UNC5B: variants seen among roughly 807,000 people sequenced by gnomAD.
The protein encoded by UNC5B is unc-5 netrin receptor B, also known as netrin receptor UNC5B.
In UNC5B, 56 loss-of-function variants were observed where a neutral mutation model predicts 103.7. The observed-to-expected ratio is 0.54, with a 90% CI of 0.44 to 0.67. The LOEUF is 0.67. Among genes scored for constraint, UNC5B ranks in the 30% least tolerant of loss-of-function variants. The probability of loss-of-function intolerance (pLI) is 0.00; values close to 1 mark genes in which losing one functional copy is unlikely to be tolerated. For missense variants in UNC5B, 1,194 were observed against 1,284.5 expected, an observed-to-expected ratio of 0.93 and a Z score of 1.08; for synonymous variants, 577 against 542.0, an observed-to-expected ratio of 1.06 and a Z score of -0.90.
chr10:71,214,446 T>G (rs1843293642), intron 1 of UNC5B, among the ~76,000 whole-genome samples: 1 of 151,808 alleles, frequency 6.6e-6, no homozygotes, highest in African/African-American at 2.4e-5. Context: ...TTTAAAGCAG[T>G]GTTTTGAAGT....
intron 1 of UNC5B, among the ~76,000 whole-genome samples, chr10:71,238,821 C>A (rs929204236): frequency 3.3e-5 from 5 of 152,108 alleles, no homozygotes; most frequent in Non-Finnish European, 5.9e-5. Flanking sequence ...GTTCTGTTAT[C>A]CAGGCTTGAG....
chr10:71,244,775 T>C (rs1843985609), intron 1 of UNC5B, among the ~76,000 whole-genome samples: 1 of 152,198 alleles, frequency 6.6e-6, no homozygotes, highest in Non-Finnish European at 1.5e-5. Flanking sequence ...AGGGACACCC[T>C]GTGTGCATGC....
In UNC5B at chr10:71,286,713, G is replaced by A; in HGVS notation, c.577G>A (p.Val193Ile). The stretch of plus-strand genomic sequence containing the variant: ...GGTGGAATGGCTCAAGAATGAGGAT[G>A]TCATCGACCCCACCCAGGACACCAA... ...AEVEWLKNED[V>I]IDPTQDTNFL... The change falls in exon 5 of 17, where the codon GTC (valine) becomes ATC (isoleucine). Residue 193 changes from valine (V) to isoleucine (I), a missense_variant. Transcript: ENST00000335350. 2 of 1,614,152 alleles carry A rather than the reference G, an allele frequency of 1.2e-6. No individual in the cohort carries two copies. The highest frequency in any genetic ancestry group is 1.3e-5 in the African/African-American group (1 of 75,044).
rs1845031693 is a variant in UNC5B, at chr10:71,284,924, G to C, written c.448+61G>C. On this transcript the variant is annotated intron_variant, in intron 3 of 16. Transcript: ENST00000335350. ...AACCTTCCCCATCCCTGAGGATGCT[G>C]GAGAGGGAACTTCACATCTGTGGGG... is the stretch of plus-strand genomic sequence containing the variant. 4 of 1,527,686 alleles carry C rather than the reference G, an allele frequency of 2.6e-6. No individual in the cohort carries two copies. The African/African-American group carries it at 5.5e-5, about 21-fold the overall frequency. The allele number at this position is 1,527,686 out of a possible 1,614,324, so 94.6% of individuals were successfully genotyped here.
rs1284912645 is a variant in UNC5B at position 71,293,591 on chromosome 10, A to G, written c.1941+18A>G. 2 of 1,613,420 alleles carry G rather than the reference A, an allele frequency of 1.2e-6. No homozygotes were observed. Among genetic ancestry groups the G allele is most frequent in the Admixed American group, 1.7e-5 (1 of 60,016 alleles). On this transcript the variant is annotated intron_variant, in intron 12 of 16. Coordinates refer to ENST00000335350, the MANE Select transcript of UNC5B (RefSeq NM_170744.5). ...ACTGGGAGGTGAGGAGCCACGGTGA[A>G]GGCTGGCCCAGCTCTCCCAACCTGC...
chr10:71,262,422 T>C (rs1415500854), intron 1 of UNC5B, among the ~76,000 whole-genome samples: 1 of 151,940 alleles, frequency 6.6e-6, no homozygotes, highest in African/African-American at 2.4e-5. Flanking sequence ...TGTCCTGGGC[T>C]CCTCATTTGT....
At chr10:71,271,807 A>G (rs545282122) in intron 1 of UNC5B, among the ~76,000 whole-genome samples, 1 of 152,342 alleles carries the variant, frequency 6.6e-6, no homozygotes, top group African/African-American at 2.4e-5. Context: ...CACCTTGGCG[A>G]AGCCGCTTCC....
intron 1 of UNC5B, among the ~76,000 whole-genome samples, chr10:71,276,917 C>G (rs1172826093): frequency 6.6e-6 from 1 of 152,178 alleles, no homozygotes; most frequent in Non-Finnish European, 1.5e-5. Context: ...ACATCAAGAG[C>G]CATCCGGTAC....
At chr10:71,216,916 G>T (rs945397349) in intron 1 of UNC5B, among the ~76,000 whole-genome samples, 1 of 152,238 alleles carries the variant, frequency 6.6e-6, no homozygotes, top group Non-Finnish European at 1.5e-5. Context: ...CCTGCAGGCA[G>T]CCCGTCTTTT....
intron 1 of UNC5B, among the ~76,000 whole-genome samples, chr10:71,231,402 T>C (rs529829293): frequency 2.6e-5 from 4 of 152,342 alleles, no homozygotes; most frequent in African/African-American, 9.6e-5. Context: ...TCGGCTCCAA[T>C]GGCCCCTCCC....
rs117952528 is a variant in UNC5B at position 71,241,423 on chromosome 10, C to T, written c.79+28359C>T. On this transcript the variant is annotated intron_variant, in intron 1 of 16. Transcript: ENST00000335350. ...CAAATGCCCCATATCCCCACTGCCG[C>T]GTAGCCCTCTCCAGTCAGAGAACTA... 9.2e-5 allele frequency among the ~76,000 whole-genome samples: 14 copies of T among 152,302 alleles called. No individual in the cohort carries two copies. The East Asian group carries it at 2.5e-3, about 27-fold the overall frequency.
chr10:71,284,667 C>T lies in UNC5B; in HGVS notation c.305-53C>T, dbSNP rs953938943. 3.7e-6 allele frequency: 6 copies of T among 1,606,950 alleles called. No homozygotes were observed. The African/African-American group carries it at 8.0e-5, about 21-fold the overall frequency. ...GTGGAAGGCCGGGGGTGTCCTGTGC[C>T]TCACATCCTTGCTTTGCCCCTGCCC... On this transcript the variant is annotated intron_variant, in intron 2 of 16. Coordinates refer to ENST00000335350, the MANE Select transcript of UNC5B (RefSeq NM_170744.5).
chr10:71,235,330 G>T (rs571963148), intron 1 of UNC5B, among the ~76,000 whole-genome samples: 2 of 152,332 alleles, frequency 1.3e-5, no homozygotes, highest in Non-Finnish European at 2.9e-5. Context: ...CTGGGGGCTT[G>T]ATGGTCATTT....
chr10:71,290,495 C>T (rs1425654224), intron 8 of UNC5B, among the ~76,000 whole-genome samples: 1 of 152,150 alleles, frequency 6.6e-6, no homozygotes, highest in Admixed American at 6.5e-5. Context: ...GCCAGAAGAC[C>T]TTATCTACAT....
chr10:71,290,956 G>A lies in UNC5B; in HGVS notation c.1141G>A (p.Val381Met), dbSNP rs368290265. 36 of 1,613,834 alleles carry A rather than the reference G, an allele frequency of 2.2e-5. No individual in the cohort carries two copies. The highest frequency in any genetic ancestry group is 1.6e-4 in the Middle Eastern group (1 of 6,082). Residue 381 changes from valine to methionine, a missense_variant, in exon 9 of 17, where the codon GTG (valine) becomes ATG (methionine). Physicochemically the swap from Val to Met is conservative, Grantham distance 21. Coordinates refer to ENST00000335350, the MANE Select transcript of UNC5B (RefSeq NM_170744.5). ...GGATGCGGCGCTGTATGCGGGGCTC[G>A]TGGTGGCCATCTTCGTGGTCGTGGC... Reference protein sequence around the residue: ...SGDAALYAGLVVAIFVVVAIL... With the variant: ...SGDAALYAGLMVAIFVVVAIL...
intron 1 of UNC5B, among the ~76,000 whole-genome samples, chr10:71,238,781 T>C (rs1018891926): frequency 6.6e-6 from 1 of 152,114 alleles, no homozygotes; most frequent in Non-Finnish European, 1.5e-5. Context: ...AGAAGCTTAA[T>C]TATTATTACT....
chr10:71,289,228 G>A (rs905892070), intron 8 of UNC5B, among the ~76,000 whole-genome samples: 6 of 152,258 alleles, frequency 3.9e-5, no homozygotes, highest in African/African-American at 7.2e-5. Flanking sequence ...CCTCTCATAA[G>A]AGGGGAAACT....
At chr10:71,274,638 A>G (rs974449133) in intron 1 of UNC5B, among the ~76,000 whole-genome samples, 2 of 152,146 alleles carry the variant, frequency 1.3e-5, no homozygotes, top group Non-Finnish European at 2.9e-5. Flanking sequence ...GAGACCTCAT[A>G]AAGAGGCAGG....
chr10:71,287,806 G>GT, intron 6 of UNC5B, 41 bp downstream of exon 6: 1 of 1,585,544 alleles, frequency 6.3e-7, no homozygotes, highest in Non-Finnish European at 8.6e-7. Context: ...CCCGAACCCT[G>GT]TCCCACCTTC....
Sources: allele counts gnomAD v4.1 joint callset (sites outside exome capture counted in the v4.1 genomes callset), GRCh38; gene constraint gnomAD v4.1.1; transcripts MANE v1.5; gene names NCBI Gene and HGNC (gene_info 2026-07-23, HGNC 2026-07-21).